PIEZO2: variants seen among roughly 807,000 people sequenced by gnomAD.
The protein encoded by PIEZO2 is piezo-type mechanosensitive ion channel component 2.
Under a neutral mutation model 337.3 loss-of-function variants are expected in PIEZO2, and 172 were observed. The observed-to-expected ratio is 0.51, with a 90% CI of 0.45 to 0.58. The LOEUF (loss-of-function observed/expected upper bound fraction) is 0.58. Ranked by LOEUF, PIEZO2 falls within the 20% of genes least tolerant of loss-of-function variation. PIEZO2 has a pLI of 0.00. For missense variants in PIEZO2, 3,028 were observed against 3,391.3 expected (o/e 0.89, Z 2.66); for synonymous variants, 1,251 against 1,228.5 (o/e 1.02, Z -0.38).
At chr18:10,822,701 G>A (rs190893236) in intron 7 of PIEZO2, among the ~76,000 whole-genome samples, 1 of 152,246 alleles carries the variant, frequency 6.6e-6, no homozygotes, top group Admixed American at 6.5e-5. Flanking sequence ...CACATTTCCT[G>A]TTAGATGTTA....
At chr18:10,999,881 T>C (rs1235439536) in intron 2 of PIEZO2, among the ~76,000 whole-genome samples, 1 of 152,186 alleles carries the variant, frequency 6.6e-6, no homozygotes, top group East Asian at 1.9e-4. Context: ...CAAACACCTA[T>C]GAGCTGGGAA....
Position 10,795,101 on chromosome 18 carries a change from A to C in PIEZO2, c.1528-99T>G, listed in dbSNP as rs2039531968. On this transcript the variant is annotated intron_variant, in intron 12 of 55. Transcript: ENST00000674853. The surrounding 1 kb of genome is among the most constrained non-coding windows in gnomAD (Gnocchi z 4.4). The stretch of plus-strand genomic sequence containing the variant: ...AACTATCTAAAAAGAAAAGGTCATA[A>C]TATTCAAACCAGGGAGAGTAGAGAG... The C allele has an allele frequency of 9.7e-7, 1 of 1,032,278 alleles. No homozygotes were observed. The highest frequency in any genetic ancestry group is 1.4e-6 in the Non-Finnish European group (1 of 708,594). The allele number at this position is 1,032,278 out of a possible 1,614,324, so 63.9% of individuals were successfully genotyped here. A position where few individuals can be genotyped will look rare whatever the true frequency, so the allele number is the denominator to read the frequency against.
chr18:11,145,042 G>A (rs1334374882), intron 1 of PIEZO2, among the ~76,000 whole-genome samples: 1 of 152,124 alleles, frequency 6.6e-6, no homozygotes, highest in Non-Finnish European at 1.5e-5. Context: ...TAAAATATGT[G>A]TAAAATGTTC....
intron 41 of PIEZO2, 69 bp from the exon 42 acceptor site, chr18:10,704,721 G>T (rs1482162574): frequency 4.7e-6 from 7 of 1,487,410 alleles, no homozygotes; most frequent in Non-Finnish European, 6.3e-6. Context: ...TTTTGCTCTT[G>T]TTGCCCAGGC....
rs57027090 is a variant in PIEZO2 at position 10,730,564 on chromosome 18, G to C, written c.5029+843C>G. ...CTTCGCTTTTGATTTTTTTATTATA[G>C]TTTGAAATATTTTTACCCTTAGAGA... On this transcript the variant is annotated intron_variant, in intron 36 of 55. Transcript: ENST00000674853. 5.9e-3 allele frequency among the ~76,000 whole-genome samples: 898 copies of C among 152,038 alleles called. 8 individuals are homozygous for C. The highest frequency in any genetic ancestry group is 0.02 in the African/African-American group (840 of 41,460).
chr18:10,731,661 G>T, intron 35 of PIEZO2, 140 bp from the exon 36 acceptor site: 2 of 408,186 alleles, frequency 4.9e-6, no homozygotes, highest in Non-Finnish European at 7.9e-6. Context: ...ATTATCATGA[G>T]ATTCAATTTT....
In PIEZO2 at chr18:10,784,842, A is replaced by G. The variant is rs1568054350; in HGVS notation, c.2434T>C (p.Phe812Leu). 1 of 1,537,716 alleles carries G rather than the reference A, an allele frequency of 6.5e-7. No individual in the cohort carries two copies. The highest frequency in any genetic ancestry group is 2.0e-5 in the Admixed American group (1 of 50,996). ...GACTTGAGGTCTGTGAGTTCAAGGA[A>G]CCGGTCATGGAAGTAGTGCAGGTGT... ...ILHLHYFHDR[F>L]LELTDLKSIP... The change falls in exon 17 of 56, where the codon TTC (phenylalanine) becomes CTC (leucine). Residue 812 changes from phenylalanine (F) to leucine (L), a missense_variant. This residue lies in a region of PIEZO2 where 1,925 missense variants were observed against 2,051.9 expected (regional missense o/e 0.94). Coordinates refer to ENST00000674853, the MANE Select transcript of PIEZO2 (RefSeq NM_001378183.1). This position sits in a 1 kb window ranked among gnomAD's most constrained non-coding sequence, Gnocchi z 4.5.
At chr18:10,683,309 GC>G (rs2034359963) in intron 49 of PIEZO2, among the ~76,000 whole-genome samples, 1 of 152,230 alleles carries the variant, frequency 6.6e-6, no homozygotes, top group Non-Finnish European at 1.5e-5. Flanking sequence ...GCTTTTACAA[GC>G]CTGGACACTA....
At chr18:10,956,421 G>A (rs2033524245) in intron 3 of PIEZO2, among the ~76,000 whole-genome samples, 1 of 152,056 alleles carries the variant, frequency 6.6e-6, no homozygotes. Context: ...TCATGGATTG[G>A]CAAAACTAAT....
chr18:10,981,033 G>T (rs1366435401), intron 2 of PIEZO2, among the ~76,000 whole-genome samples: 1 of 152,118 alleles, frequency 6.6e-6, no homozygotes, highest in African/African-American at 2.4e-5. Context: ...TGCCCATGAT[G>T]TTCTCTTCCT....
chr18:10,890,544 T>C (rs978389395), intron 4 of PIEZO2: 3 of 152,086 alleles, frequency 2.0e-5, no homozygotes. Context: ...AGCAAACACA[T>C]CCTTCTTCAC....
At chr18:10,811,768 T>A (rs1317090532) in intron 7 of PIEZO2, among the ~76,000 whole-genome samples, 2 of 152,278 alleles carry the variant, frequency 1.3e-5, no homozygotes, top group Non-Finnish European at 2.9e-5. Context: ...TTTTGAACTT[T>A]ACCTTCTGAA....
chr18:10,681,142 T>C (rs983654883), intron 51 of PIEZO2, among the ~76,000 whole-genome samples: 3 of 152,224 alleles, frequency 2.0e-5, no homozygotes, highest in African/African-American at 4.8e-5. Context: ...TTGGACAACA[T>C]GGCACGTAAA....
chr18:10,796,932 TATC>T (rs1568068591), intron 12 of PIEZO2, among the ~76,000 whole-genome samples: 3 of 152,288 alleles, frequency 2.0e-5, no homozygotes, highest in Non-Finnish European at 4.4e-5. Flanking sequence ...ATATATGTAC[TATC>T]ATGTCATATC....
At position 10,759,564 on chromosome 18, in the gene PIEZO2, C is replaced by T; in HGVS notation, c.3675G>A (p.Lys1225=). ...TGATGTTGTCATTGAAGCTGGCACC[C>T]TTGAATCTCCACGGGTAATCTGCAG... ...APCRDYPWRF[K]GASFNDNIIK... is the part of the protein sequence containing the mutation. Residue 1225 remains lysine (K), a synonymous_variant, in exon 26 of 56, where the codon AAG becomes AAA. Coordinates refer to ENST00000674853, the MANE Select transcript of PIEZO2 (RefSeq NM_001378183.1). The surrounding 1 kb of genome is among the most constrained non-coding windows in gnomAD (Gnocchi z 5.5). The T allele has an allele frequency of 6.5e-7, 1 of 1,537,372 alleles. No homozygotes were observed.
chr18:10,688,225 C>T (rs1160231855), intron 49 of PIEZO2, among the ~76,000 whole-genome samples: 3 of 151,966 alleles, frequency 2.0e-5, no homozygotes, highest in African/African-American at 7.3e-5. Context: ...TCTCATTGTT[C>T]GGCTCCCGCT....
chr18:11,105,686 C>G lies in PIEZO2; in HGVS notation c.65-39464G>C, dbSNP rs79015237. 8.0e-3 allele frequency among the ~76,000 whole-genome samples: 1,222 copies of G among 152,308 alleles called. 16 individuals are homozygous for G. Among genetic ancestry groups the G allele is most frequent in the African/African-American group, 0.028 (1,146 of 41,560 alleles). ...GCAATATTTCAACATCACGTGTCCT[C>G]TGAAAGCCTGAGCTGGGGAATGTTT... On this transcript the variant is annotated intron_variant, in intron 1 of 55. Coordinates refer to ENST00000674853, the MANE Select transcript of PIEZO2 (RefSeq NM_001378183.1). This position sits in a 1 kb window ranked among gnomAD's most constrained non-coding sequence, Gnocchi z 4.3.
intron 7 of PIEZO2, among the ~76,000 whole-genome samples, chr18:10,812,996 T>C (rs1316815359): frequency 6.6e-6 from 1 of 151,896 alleles, no homozygotes; most frequent in Non-Finnish European, 1.5e-5. Context: ...TTTTTTTTTT[T>C]TTCTTGAGAC....
chr18:10,811,905 C>T (rs2040203833), intron 7 of PIEZO2, among the ~76,000 whole-genome samples: 1 of 152,206 alleles, frequency 6.6e-6, no homozygotes, highest in African/African-American at 2.4e-5. Flanking sequence ...GCGATCTCCG[C>T]TCACTGCGAG....
Sources: gnomAD v4.1 joint callset for allele counts (sites outside exome capture counted in the v4.1 genomes callset) on GRCh38, gnomAD v4.1.1 for gene constraint, gnomAD v4.1.1 regional missense constraint, Gnocchi (gnomAD v3.1) non-coding constraint, MANE v1.5 for transcripts, NCBI Gene and HGNC (gene_info 2026-07-23, HGNC 2026-07-21) for gene names.